The following KCTD16 variants were observed in gnomAD, a reference collection of about 807,000 sequenced individuals.
KCTD16 encodes potassium channel tetramerization domain containing 16.
In KCTD16, 13 loss-of-function variants were observed where a neutral mutation model predicts 33.2. That is an observed-to-expected ratio of 0.39 (90% CI 0.25 to 0.62). KCTD16 has a LOEUF of 0.62. KCTD16 is among the 20% of genes least tolerant of loss of function. The pLI is 0.50. For synonymous variants in KCTD16, 197 were observed against 195.3 expected (o/e 1.01, Z -0.07); for missense variants, 441 against 525.1 (o/e 0.84, Z 1.57).
At chr5:144,424,222 A>G (rs1343678081) in intron 3 of KCTD16, among the ~76,000 whole-genome samples, 2 of 152,150 alleles carry the variant, frequency 1.3e-5, no homozygotes, top group Non-Finnish European at 2.9e-5. Flanking sequence ...CTGCTCTTGT[A>G]CTTCACTATA....
intron 3 of KCTD16, among the ~76,000 whole-genome samples, chr5:144,422,632 T>G (rs184017876): frequency 7.2e-5 from 11 of 152,288 alleles, no homozygotes; most frequent in African/African-American, 2.4e-4. Context: ...CATCTTTGTC[T>G]ACTGAATAAA....
chr5:144,453,932 G>A (rs916486658), intron 3 of KCTD16, among the ~76,000 whole-genome samples: 3 of 152,116 alleles, frequency 2.0e-5, no homozygotes, highest in African/African-American at 7.2e-5. Context: ...ACTCTAGGGT[G>A]ACCTCATGTT....
intron 2 of KCTD16, among the ~76,000 whole-genome samples, chr5:144,181,932 A>G (rs922456341): frequency 6.6e-6 from 1 of 152,110 alleles, no homozygotes; most frequent in Non-Finnish European, 1.5e-5. Context: ...CATCTCTACT[A>G]AAAATACAGA....
intron 3 of KCTD16, among the ~76,000 whole-genome samples, chr5:144,263,550 A>T (rs1341561121): frequency 6.6e-6 from 1 of 152,204 alleles, no homozygotes; most frequent in Admixed American, 6.5e-5. Context: ...GGCTAATTAT[A>T]GTGATTGTCC....
intron 3 of KCTD16, among the ~76,000 whole-genome samples, chr5:144,210,226 A>G (rs73792194): frequency 0.012 from 1,856 of 152,212 alleles, 49 homozygotes; most frequent in African/African-American, 0.042. Context: ...GATGGTCAAT[A>G]TCAGGTGGTT....
chr5:144,205,784 G>A, intron 2 of KCTD16: 1 of 389,952 alleles, frequency 2.6e-6, no homozygotes, highest in Non-Finnish European at 4.5e-6. Context: ...TTTGCGACTT[G>A]TTTTAACTTA....
intron 3 of KCTD16, among the ~76,000 whole-genome samples, chr5:144,443,173 C>G (rs1181173853): frequency 1.3e-5 from 2 of 152,084 alleles, no homozygotes; most frequent in African/African-American, 4.8e-5. Context: ...ACACTAGGAT[C>G]TGGAAAGTGA....
At chr5:144,310,001 A>G (rs1751717261) in intron 3 of KCTD16, among the ~76,000 whole-genome samples, 1 of 149,796 alleles carries the variant, frequency 6.7e-6, no homozygotes, top group Non-Finnish European at 1.5e-5. Flanking sequence ...TTTCTTTCCA[A>G]CTATGTTTTG....
At chr5:144,392,727 A>G (rs1752478280) in intron 3 of KCTD16, among the ~76,000 whole-genome samples, 1 of 152,202 alleles carries the variant, frequency 6.6e-6, no homozygotes, top group African/African-American at 2.4e-5. Context: ...AATGAAACTG[A>G]GAGAAATAAC....
intron 3 of KCTD16, among the ~76,000 whole-genome samples, chr5:144,249,869 A>G (rs189501947): frequency 1.2e-4 from 18 of 152,288 alleles, no homozygotes; most frequent in Admixed American, 1.2e-3. Context: ...TCCAAATAAC[A>G]TGCTAGGTCT....
chr5:144,290,453 T>A (rs1755865650), intron 3 of KCTD16, among the ~76,000 whole-genome samples: 1 of 152,236 alleles, frequency 6.6e-6, no homozygotes, highest in African/African-American at 2.4e-5. Flanking sequence ...TCCTTTGCAA[T>A]GATAGGTATT....
intron 3 of KCTD16, among the ~76,000 whole-genome samples, chr5:144,215,633 T>C (rs1219501660): frequency 6.6e-6 from 1 of 152,154 alleles, no homozygotes; most frequent in Non-Finnish European, 1.5e-5. Context: ...ATAACAATAG[T>C]ACTTGCCACA....
chr5:144,278,294 G>T (rs1755494047), intron 3 of KCTD16, among the ~76,000 whole-genome samples: 1 of 151,554 alleles, frequency 6.6e-6, no homozygotes, highest in African/African-American at 2.4e-5. Context: ...TTTTCTTTTG[G>T]ACTCATCAAA....
intron 3 of KCTD16, among the ~76,000 whole-genome samples, chr5:144,238,205 T>G (rs1336692692): frequency 9.9e-5 from 15 of 152,074 alleles, no homozygotes; most frequent in Admixed American, 9.8e-4. Context: ...AGAGCAAATA[T>G]CAACATGTTG....
At chr5:144,388,610 G>T (rs933517859) in intron 3 of KCTD16, among the ~76,000 whole-genome samples, 4 of 152,250 alleles carry the variant, frequency 2.6e-5, no homozygotes, top group Non-Finnish European at 5.9e-5. Context: ...TGCAGTCTTG[G>T]CTGTCTATGC....
chr5:144,366,279 A>G (rs1751830628), intron 3 of KCTD16, among the ~76,000 whole-genome samples: 1 of 152,200 alleles, frequency 6.6e-6, no homozygotes, highest in Non-Finnish European at 1.5e-5. Context: ...GAAATTACTG[A>G]TGCTCTGAAA....
Position 144,437,550 on chromosome 5 carries a change from C to G in KCTD16, c.833-36110C>G, listed in dbSNP as rs141485464. ...TAGCATCTGACATATAATATACTCA[C>G]TAGATATTATCTATTAATATTATTG... On this transcript the variant is annotated intron_variant, in intron 3 of 3. Coordinates refer to ENST00000512467, the MANE Select transcript of KCTD16 (RefSeq NM_020768.4). 3.8e-4 allele frequency among the ~76,000 whole-genome samples: 58 copies of G among 152,212 alleles called. No individual in the cohort carries two copies. The East Asian group carries it at 0.011, about 28-fold the overall frequency.
chr5:144,363,159 C>G (rs1452671144), intron 3 of KCTD16, among the ~76,000 whole-genome samples: 1 of 151,972 alleles, frequency 6.6e-6, no homozygotes, highest in East Asian at 1.9e-4. Flanking sequence ...CTGGCCAACA[C>G]AGTGAAACCC....
intron 3 of KCTD16, among the ~76,000 whole-genome samples, chr5:144,302,029 A>C (rs943447385): frequency 1.3e-5 from 2 of 152,178 alleles, no homozygotes; most frequent in Non-Finnish European, 2.9e-5. Flanking sequence ...AGTTTTATGT[A>C]AAAATTAGGT....
Sources: allele counts gnomAD v4.1 joint callset (sites outside exome capture counted in the v4.1 genomes callset), GRCh38; gene constraint gnomAD v4.1.1; transcripts MANE v1.5; gene names NCBI Gene and HGNC (gene_info 2026-07-23, HGNC 2026-07-21).